NBAS: variants seen among roughly 807,000 people sequenced by gnomAD.
The protein encoded by NBAS is NAG/BC035112 fusion.
NBAS carries 219 observed loss-of-function variants against 302.5 expected under a neutral mutation model. The ratio of observed to expected loss-of-function variants is 0.72; its 90% CI spans 0.65 to 0.81. The LOEUF is 0.81. Among genes scored for constraint, NBAS ranks in the 30% least tolerant of loss-of-function variants. NBAS has a pLI of 0.00. For missense variants in NBAS, 2,932 were observed against 2,841.6 expected, an observed-to-expected ratio of 1.03 and a Z score of -0.72; for synonymous variants, 1,118 against 1,021.6, an observed-to-expected ratio of 1.09 and a Z score of -1.80.
chr2:15,317,563 G>A (rs919411604), intron 38 of NBAS, among the ~76,000 whole-genome samples: 4 of 152,190 alleles, frequency 2.6e-5, no homozygotes, highest in Admixed American at 1.3e-4. Context: ...TAAATGACCA[G>A]ATGGAGCTGA....
At chr2:15,040,820 T>C in the NBAS span, among the ~76,000 whole-genome samples, 14 of 152,330 alleles carry the variant, frequency 9.2e-5, no homozygotes, top group African/African-American at 3.4e-4. Context: ...CCTAAGTCAT[T>C]CCGTGACAGT....
intron 42 of NBAS, among the ~76,000 whole-genome samples, chr2:15,281,495 T>A (rs1669823871): frequency 2.0e-5 from 3 of 152,346 alleles, no homozygotes; most frequent in Middle Eastern, 6.8e-3. Context: ...GGCCATGTGA[T>A]GGGTCTGGTA....
chr2:15,051,402 G>C, the NBAS span, among the ~76,000 whole-genome samples: 1 of 152,196 alleles, frequency 6.6e-6, no homozygotes, highest in Non-Finnish European at 1.5e-5. Flanking sequence ...AAGGAGGCAA[G>C]CTGCAGGTGG....
At chr2:15,551,395 G>T (rs1573005246) in intron 6 of NBAS, 98 bp downstream of exon 6, 6 of 714,208 alleles carry the variant, frequency 8.4e-6, no homozygotes, top group South Asian at 2.2e-5. Context: ...GATAATCCTT[G>T]TTAATAAATA....
At chr2:15,155,774 T>C in the NBAS span, among the ~76,000 whole-genome samples, 9 of 152,296 alleles carry the variant, frequency 5.9e-5, no homozygotes, top group South Asian at 1.9e-3. Flanking sequence ...CATACACACA[T>C]AAAACTGACT....
the NBAS span, among the ~76,000 whole-genome samples, chr2:14,824,063 T>C: frequency 6.6e-6 from 1 of 152,200 alleles, no homozygotes; most frequent in Non-Finnish European, 1.5e-5. Flanking sequence ...GGGGCAACCC[T>C]GCGCCAGACG....
chr2:15,486,329 A>C (rs1680626616), intron 12 of NBAS, among the ~76,000 whole-genome samples: 1 of 152,198 alleles, frequency 6.6e-6, no homozygotes. Flanking sequence ...AATGACATAT[A>C]ATCCTAAAAA....
At chr2:15,264,026 CTG>C (rs1668964391) in intron 44 of NBAS, among the ~76,000 whole-genome samples, 1 of 152,132 alleles carries the variant, frequency 6.6e-6, no homozygotes. Context: ...ATAAATCTGT[CTG>C]TAAGTTTGAA....
chr2:15,475,981 A>G lies in NBAS; in HGVS notation c.1148-101T>C, dbSNP rs565779884. 4 of 929,834 alleles carry G rather than the reference A, an allele frequency of 4.3e-6. No homozygotes were observed. The South Asian group carries it at 7.3e-5, about 17-fold the overall frequency. 57.6% of individuals were successfully genotyped at this position (929,834 alleles called of 1,614,324 possible). A position where few individuals can be genotyped will look rare whatever the true frequency, so the allele number is the denominator to read the frequency against. On this transcript the variant is annotated intron_variant, in intron 13 of 51. Coordinates refer to ENST00000281513, the MANE Select transcript of NBAS (RefSeq NM_015909.4). ...CAATTTTAAAACAAAATTTATCTACATTATTTGGGCCCTAATGGTATGTTA... is the reference window on the plus strand; with the variant it reads ...CAATTTTAAAACAAAATTTATCTACGTTATTTGGGCCCTAATGGTATGTTA...
chr2:14,921,656 T>A, the NBAS span, among the ~76,000 whole-genome samples: 1 of 152,170 alleles, frequency 6.6e-6, no homozygotes, highest in Non-Finnish European at 1.5e-5. Context: ...GAGTCAGGAA[T>A]GACCTGGGCT....
rs182792881 is a variant in NBAS at position 15,402,762 on chromosome 2, T to C, written c.2938-461A>G. ...TTAACTACAGAGTGCTGACATTCTATTCAAAAGAAATCCAACTGTAATAGA... is the reference window on the plus strand; with the variant it reads ...TTAACTACAGAGTGCTGACATTCTACTCAAAAGAAATCCAACTGTAATAGA... On this transcript the variant is annotated intron_variant, in intron 25 of 51. Transcript: ENST00000281513. Among the ~76,000 whole-genome samples, 296 of 150,772 alleles carry C rather than the reference T, an allele frequency of 2.0e-3. 2 individuals are homozygous for C. Among genetic ancestry groups the C allele is most frequent in the African/African-American group, 6.7e-3 (276 of 41,020 alleles).
At chr2:15,555,217 T>C (rs1462463114) in intron 3 of NBAS, among the ~76,000 whole-genome samples, 1 of 149,048 alleles carries the variant, frequency 6.7e-6, no homozygotes, top group Non-Finnish European at 1.5e-5. Flanking sequence ...TGCCTGTGAA[T>C]AGCCACTATA....
chr2:15,299,380 A>C (rs191151672), intron 40 of NBAS, among the ~76,000 whole-genome samples: 3 of 152,328 alleles, frequency 2.0e-5, no homozygotes, highest in Non-Finnish European at 1.5e-5. Context: ...ATGACAACAA[A>C]ATGCTCAATG....
rs187475619 is a variant in NBAS, at chr2:15,445,617, G to A, written c.2339+15584C>T. 1.2e-3 allele frequency among the ~76,000 whole-genome samples: 176 copies of A among 151,328 alleles called. 1 individual carries two copies. Among genetic ancestry groups the A allele is most frequent in the African/African-American group, 3.9e-3 (162 of 41,198 alleles). On this transcript the variant is annotated intron_variant, in intron 21 of 51. Transcript: ENST00000281513. ...ACATGTATACATATGTAACTAACCC[G>A]CACATTGTGTCCATGTACCCTAAAA...
chr2:15,493,413 A>G (rs943583338), intron 11 of NBAS, among the ~76,000 whole-genome samples: 1 of 152,194 alleles, frequency 6.6e-6, no homozygotes, highest in African/African-American at 2.4e-5. Flanking sequence ...CATGCCTGTA[A>G]TCCCAGTACT....
At chr2:14,901,701 A>T in the NBAS span, among the ~76,000 whole-genome samples, 2 of 152,230 alleles carry the variant, frequency 1.3e-5, no homozygotes, top group Non-Finnish European at 2.9e-5. Context: ...AAATCTAGTA[A>T]GGAAATATTC....
At chr2:15,155,603 T>C in the NBAS span, among the ~76,000 whole-genome samples, 5 of 152,220 alleles carry the variant, frequency 3.3e-5, 1 homozygote, top group Admixed American at 3.3e-4. Context: ...TTCTTTTGAC[T>C]TCAGGAGCAG....
intron 26 of NBAS, 29 bp from the exon 27 acceptor site, chr2:15,396,504 GC>G: frequency 6.9e-7 from 1 of 1,449,004 alleles, no homozygotes; most frequent in South Asian, 1.3e-5. Flanking sequence ...AAAAAAAAAA[GC>G]CCTTAAGTTT....
At chr2:14,979,090 A>G in the NBAS span, among the ~76,000 whole-genome samples, 3 of 152,202 alleles carry the variant, frequency 2.0e-5, no homozygotes, top group African/African-American at 4.8e-5. Context: ...TGAAATGCCT[A>G]TGCCACAGGG....
Sources: gnomAD v4.1 joint callset for allele counts (sites outside exome capture counted in the v4.1 genomes callset) on GRCh38, gnomAD v4.1.1 for gene constraint, MANE v1.5 for transcripts, NCBI Gene and HGNC (gene_info 2026-07-23, HGNC 2026-07-21) for gene names.